Variants in TMEM178B observed in about 807,000 individuals in gnomAD.
The protein encoded by TMEM178B is transmembrane protein 178B.
TMEM178B carries 5 observed loss-of-function variants against 31.0 expected under a neutral mutation model. That is an observed-to-expected ratio of 0.16 (90% CI 0.08 to 0.34). The LOEUF (loss-of-function observed/expected upper bound fraction) is 0.34. Among genes scored for constraint, TMEM178B ranks in the 10% least tolerant of loss-of-function variants. The probability of loss-of-function intolerance (pLI) is 1.00; values close to 1 mark genes in which losing one functional copy is unlikely to be tolerated. For missense variants in TMEM178B, 275 were observed against 400.3 expected, an observed-to-expected ratio of 0.69 and a Z score of 2.67; for synonymous variants, 164 against 164.0, an observed-to-expected ratio of 1.00 and a Z score of 0.00.
At chr7:141,430,616 A>G (rs1378593281) in intron 2 of TMEM178B, among the ~76,000 whole-genome samples, 4 of 152,110 alleles carry the variant, frequency 2.6e-5, no homozygotes, top group African/African-American at 9.7e-5. Context: ...TTGCATCTCT[A>G]TATGGCTTCC....
At chr7:141,284,520 TATTTA>T in intron 2 of TMEM178B, among the ~76,000 whole-genome samples, 1 of 152,252 alleles carries the variant, frequency 6.6e-6, no homozygotes, top group Non-Finnish European at 1.5e-5. Flanking sequence ...ACTCCTAATT[TATTTA>T]ATTTATCGTT....
At chr7:141,305,727 GC>G in intron 2 of TMEM178B, among the ~76,000 whole-genome samples, 1 of 152,272 alleles carries the variant, frequency 6.6e-6, no homozygotes, top group South Asian at 2.1e-4. Flanking sequence ...GAGCCACTGT[GC>G]CTGGCTGGCC....
intron 1 of TMEM178B, among the ~76,000 whole-genome samples, chr7:141,191,348 T>A (rs1796692682): frequency 6.6e-6 from 1 of 152,206 alleles, no homozygotes; most frequent in Non-Finnish European, 1.5e-5. Flanking sequence ...CTGTGAAACA[T>A]CTCTTGGAGA....
At chr7:141,439,736 G>T (rs1727487) in intron 3 of TMEM178B, among the ~76,000 whole-genome samples, 120,284 of 152,092 alleles carry the variant, frequency 0.79, 47,778 homozygotes, top group African/African-American at 0.84. Context: ...CAAACGGGCC[G>T]CGGGCAGATA....
intron 2 of TMEM178B, among the ~76,000 whole-genome samples, chr7:141,296,360 A>C (rs1461067010): frequency 6.6e-6 from 1 of 152,102 alleles, no homozygotes; most frequent in African/African-American, 2.4e-5. Context: ...GAGCCACTGC[A>C]CCCGGCCAGG....
intron 2 of TMEM178B, among the ~76,000 whole-genome samples, chr7:141,227,784 G>A (rs1797370618): frequency 6.6e-6 from 1 of 152,172 alleles, no homozygotes; most frequent in African/African-American, 2.4e-5. Context: ...TTGCATAAGT[G>A]TTTTAGGGGA....
In TMEM178B at chr7:141,478,546, T is replaced by C. The variant is rs1802414943; in HGVS notation, c.*7760T>C. The C allele has an allele frequency of 6.6e-6, 1 of 152,198 alleles. No homozygotes were observed. The highest frequency in any genetic ancestry group is 2.1e-4 in the South Asian group (1 of 4,832). 9.4% of individuals were successfully genotyped at this position (152,198 alleles called of 1,614,324 possible). The stretch of plus-strand genomic sequence containing the variant: ...ACATATGCAATTTAAAATATTCTAG[T>C]AGCCACATTTTTTAAAGTCCAAAGA... On this transcript the variant is annotated 3_prime_UTR_variant, in exon 4 of 4. Transcript: ENST00000565468.
intron 1 of TMEM178B, among the ~76,000 whole-genome samples, chr7:141,163,507 C>G (rs1370872597): frequency 1.3e-5 from 2 of 151,390 alleles, no homozygotes; most frequent in African/African-American, 4.9e-5. Context: ...ATTTAGCAAA[C>G]AGCAATTTTT....
intron 1 of TMEM178B, among the ~76,000 whole-genome samples, chr7:141,101,629 G>A (rs11762357): frequency 0.6 from 91,794 of 152,128 alleles, 29,049 homozygotes; most frequent in East Asian, 0.75. Context: ...GGCAGCAGCC[G>A]GAGAGACTGA....
At chr7:141,204,253 A>C (rs1040948188) in intron 1 of TMEM178B, among the ~76,000 whole-genome samples, 4 of 152,210 alleles carry the variant, frequency 2.6e-5, no homozygotes, top group Admixed American at 2.0e-4. Flanking sequence ...TGTGAGCGTC[A>C]GGTTCAATTC....
chr7:141,507,496 C>T, the TMEM178B span, among the ~76,000 whole-genome samples: 4 of 152,212 alleles, frequency 2.6e-5, no homozygotes, highest in Admixed American at 2.6e-4. Flanking sequence ...CCTCAGCCTC[C>T]TGAGTAACTG....
At chr7:141,199,899 A>T (rs1375149185) in intron 1 of TMEM178B, among the ~76,000 whole-genome samples, 1 of 152,106 alleles carries the variant, frequency 6.6e-6, no homozygotes, top group Admixed American at 6.5e-5. Flanking sequence ...AAAATACAAA[A>T]AATTAGCTGG....
intron 1 of TMEM178B, among the ~76,000 whole-genome samples, chr7:141,111,528 A>T (rs1170244922): frequency 6.6e-6 from 1 of 152,238 alleles, no homozygotes; most frequent in Non-Finnish European, 1.5e-5. Flanking sequence ...CATTTTTGTT[A>T]TACAGGATTG....
intron 3 of TMEM178B, among the ~76,000 whole-genome samples, chr7:141,457,688 G>A (rs1296724038): frequency 1.3e-5 from 2 of 152,204 alleles, no homozygotes; most frequent in African/African-American, 2.4e-5. Flanking sequence ...GAGAAGCCAG[G>A]GTCAGAACCT....
At chr7:141,153,753 G>T (rs908479911) in intron 1 of TMEM178B, among the ~76,000 whole-genome samples, 1 of 152,110 alleles carries the variant, frequency 6.6e-6, no homozygotes, top group Non-Finnish European at 1.5e-5. Flanking sequence ...TTATTAGAAT[G>T]TTTATCTTTT....
At chr7:141,443,126 G>A (rs113056595) in intron 3 of TMEM178B, among the ~76,000 whole-genome samples, 143 of 152,280 alleles carry the variant, frequency 9.4e-4, no homozygotes, top group Middle Eastern at 3.4e-3. Context: ...ATTTTTAATA[G>A]ACCTTATTTT....
At chr7:141,173,598 C>A (rs905396400) in intron 1 of TMEM178B, among the ~76,000 whole-genome samples, 2 of 152,152 alleles carry the variant, frequency 1.3e-5, no homozygotes, top group Non-Finnish European at 2.9e-5. Context: ...AATTTAAGGT[C>A]ATTGAATAAT....
chr7:141,406,871 T>A (rs1174248170), intron 2 of TMEM178B, among the ~76,000 whole-genome samples: 1 of 152,192 alleles, frequency 6.6e-6, no homozygotes, highest in Non-Finnish European at 1.5e-5. Context: ...AATTCGCACC[T>A]CCAGGTTGCA....
chr7:141,454,469 C>T (rs1801924215), intron 3 of TMEM178B, among the ~76,000 whole-genome samples: 1 of 152,154 alleles, frequency 6.6e-6, no homozygotes, highest in African/African-American at 2.4e-5. Context: ...GGTCAGCCTT[C>T]CTGGGGTCAG....
Sources: gnomAD v4.1 joint callset for allele counts (sites outside exome capture counted in the v4.1 genomes callset) on GRCh38, gnomAD v4.1.1 for gene constraint, MANE v1.5 for transcripts, NCBI Gene and HGNC (gene_info 2026-07-23, HGNC 2026-07-21) for gene names.